The following BRF1 variants were observed in gnomAD, a reference collection of about 807,000 sequenced individuals.
BRF1 encodes transcription factor IIIB 90 kDa subunit.
In BRF1, 59 loss-of-function variants were observed where a neutral mutation model predicts 81.7. The ratio of observed to expected loss-of-function variants is 0.72; its 90% CI spans 0.59 to 0.90. The LOEUF is 0.90. Ranked by LOEUF, BRF1 falls within the 40% of genes least tolerant of loss-of-function variation. BRF1 has a pLI of 0.00. For synonymous variants in BRF1, 491 were observed against 395.6 expected, an observed-to-expected ratio of 1.24 and a Z score of -2.86; for missense variants, 1,050 against 936.3, an observed-to-expected ratio of 1.12 and a Z score of -1.58.
At chr14:105,248,557 G>T in intron 5 of BRF1, 1 of 920,656 alleles carries the variant, frequency 1.1e-6, no homozygotes, top group Non-Finnish European at 1.3e-6. Flanking sequence ...CGGCGCCGCG[G>T]CGGGTACGGG....
chr14:105,248,762 C>T, intron 5 of BRF1: 1 of 981,604 alleles, frequency 1.0e-6, no homozygotes, highest in Non-Finnish European at 1.2e-6. Flanking sequence ...AGTGCCTGAC[C>T]TCCTTGCTTT....
At chr14:105,217,245 A>C in intron 15 of BRF1, 1 of 509,560 alleles carries the variant, frequency 2.0e-6, no homozygotes. Context: ...CAGGCTGGAG[A>C]AGGCACCGAC....
intron 10 of BRF1, among the ~76,000 whole-genome samples, chr14:105,224,989 C>T (rs1022838552): frequency 7.9e-5 from 12 of 152,222 alleles, no homozygotes; most frequent in Admixed American, 2.0e-4. Flanking sequence ...TGTCAGTGGA[C>T]GATGACCTCT....
At chr14:105,215,131 G>A (rs1890882433) in intron 15 of BRF1, among the ~76,000 whole-genome samples, 1 of 152,194 alleles carries the variant, frequency 6.6e-6, no homozygotes, top group Admixed American at 6.5e-5. Context: ...TCTAAAGCAG[G>A]AAGCAGTGCA....
chr14:105,243,661 A>G (rs952763950), intron 5 of BRF1, among the ~76,000 whole-genome samples: 5 of 152,228 alleles, frequency 3.3e-5, no homozygotes, highest in Middle Eastern at 6.8e-3. Context: ...TTTGATGCTC[A>G]TTAATTATTG....
intron 5 of BRF1, among the ~76,000 whole-genome samples, chr14:105,246,466 C>T (rs937299060): frequency 1.3e-5 from 2 of 151,468 alleles, no homozygotes; most frequent in Admixed American, 1.3e-4. Flanking sequence ...CACTTGAGGC[C>T]AGGAGTTTAA....
intron 3 of BRF1, among the ~76,000 whole-genome samples, chr14:105,272,460 C>T (rs2056699319): frequency 6.6e-6 from 1 of 152,238 alleles, no homozygotes; most frequent in African/African-American, 2.4e-5. Context: ...GCATGATTCT[C>T]AGGCACCGAC....
chr14:105,314,473 C>CGGGGCGCCCCGGGCGGGGT (rs2058463693), intron 1 of BRF1: 3 of 149,486 alleles, frequency 2.0e-5, no homozygotes, highest in African/African-American at 7.3e-5. Flanking sequence ...CGGGGCGGGG[C>CGGGGCGCCCCGGGCGGGGT]GCCCCGGGCG....
chr14:105,248,919 G>A, intron 5 of BRF1: 6 of 985,096 alleles, frequency 6.1e-6, no homozygotes, highest in Non-Finnish European at 4.8e-6. Context: ...CGCGGACCTA[G>A]CCAACAGCAA....
chr14:105,274,074 C>T (rs953558248), intron 2 of BRF1, among the ~76,000 whole-genome samples: 2 of 152,214 alleles, frequency 1.3e-5, no homozygotes, highest in African/African-American at 2.4e-5. Flanking sequence ...AGATTAGACA[C>T]GTTGGTAGCA....
Position 105,300,702 on chromosome 14 carries a change from C to T in BRF1, c.-73G>A, listed in dbSNP as rs1193440024. 1.7e-6 allele frequency: 2 copies of T among 1,175,894 alleles called. No individual in the cohort carries two copies. Among genetic ancestry groups the T allele is most frequent in the Admixed American group, 4.4e-5 (1 of 22,780 alleles). The allele number at this position is 1,175,894 out of a possible 1,614,324, so 72.8% of individuals were successfully genotyped here. On this transcript the variant is annotated 5_prime_UTR_variant, in exon 1 of 18. Transcript: ENST00000547530. ...CCACCCGAGCCTCCGGAGCAGCCCG[C>T]GCCGCCCGCCCAGGCCCAGCCGCCC...
At chr14:105,302,104 A>C (rs925585847), upstream of BRF1, among the ~76,000 whole-genome samples, 1 of 150,708 alleles carries the variant, frequency 6.6e-6, no homozygotes, top group Admixed American at 6.7e-5. Context: ...CCGCCATTGC[A>C]CTCCAGCCTG....
chr14:105,272,651 C>A, intron 3 of BRF1, 70 bp downstream of exon 3: 1 of 1,495,434 alleles, frequency 6.7e-7, no homozygotes, highest in South Asian at 1.4e-5. Flanking sequence ...CTACCAAGTC[C>A]CAATATTCGA....
At chr14:105,247,726 G>C in intron 5 of BRF1, 2 of 985,490 alleles carry the variant, frequency 2.0e-6, no homozygotes, top group East Asian at 1.1e-4. Flanking sequence ...CGGTCCAGGA[G>C]GTTGCGTGTG....
intron 6 of BRF1, among the ~76,000 whole-genome samples, chr14:105,241,049 C>T (rs1394235765): frequency 6.6e-6 from 1 of 152,242 alleles, no homozygotes; most frequent in Non-Finnish European, 1.5e-5. Context: ...AGAGTTCTGC[C>T]CCTTATGCCA....
rs1022569663 is a variant in BRF1 at position 105,248,440 on chromosome 14, C to T, written c.544+4067G>A. ...CCTCTGCACAGCGCGCGGCTCGCGC[C>T]GGTTGCTGGGCAGAAGCTCGAGCAG... On this transcript the variant is annotated intron_variant, in intron 5 of 17. Transcript: ENST00000547530. 1.8e-4 allele frequency: 176 copies of T among 985,274 alleles called. 1 individual carries two copies. The South Asian group carries it at 3.6e-3, about 20-fold the overall frequency. 61.0% of individuals were successfully genotyped at this position (985,274 alleles called of 1,614,324 possible). A position where few individuals can be genotyped will look rare whatever the true frequency, so the allele number is the denominator to read the frequency against.
chr14:105,286,622 T>C (rs2057325142), intron 1 of BRF1, among the ~76,000 whole-genome samples: 1 of 152,118 alleles, frequency 6.6e-6, no homozygotes. Flanking sequence ...CTTTTTTTTT[T>C]TGAGACGGAG....
intron 2 of BRF1, among the ~76,000 whole-genome samples, chr14:105,285,018 G>A (rs1388283060): frequency 6.6e-6 from 1 of 152,144 alleles, no homozygotes; most frequent in African/African-American, 2.4e-5. Context: ...AATTAAAGAA[G>A]ACCCAAATAA....
chr14:105,221,532 G>C, intron 11 of BRF1, 116 bp downstream of exon 11: 2 of 1,425,906 alleles, frequency 1.4e-6, no homozygotes, highest in Non-Finnish European at 9.3e-7. Context: ...CCCACCGCCC[G>C]AGACCACCAC....
Sources: allele counts gnomAD v4.1 joint callset (sites outside exome capture counted in the v4.1 genomes callset), GRCh38; gene constraint gnomAD v4.1.1; transcripts MANE v1.5; gene names NCBI Gene and HGNC (gene_info 2026-07-23, HGNC 2026-07-21).